The following ABCB1 variants were observed in gnomAD, a reference collection of about 807,000 sequenced individuals.
ABCB1 encodes the protein ATP binding cassette subfamily B member 1, also known as ATP-dependent translocase ABCB1.
Under a neutral mutation model 142.0 loss-of-function variants are expected in ABCB1, and 69 were observed. That is an observed-to-expected ratio of 0.49 (90% confidence interval 0.40 to 0.59). The LOEUF is 0.59. Among genes scored for constraint, ABCB1 ranks in the 20% least tolerant of loss-of-function variants. The pLI, the probability that ABCB1 is intolerant of heterozygous loss-of-function variation, is 0.00. For synonymous variants in ABCB1, 532 were observed against 539.2 expected (o/e 0.99, Z 0.18); for missense variants, 1,326 against 1,554.7 (o/e 0.85, Z 2.47).
At chr7:87,611,073 A>G (rs1819833449) in intron 1 of ABCB1, among the ~76,000 whole-genome samples, 1 of 152,156 alleles carries the variant, frequency 6.6e-6, no homozygotes, top group Non-Finnish European at 1.5e-5. Flanking sequence ...TCCCTTCGTA[A>G]CAGCCAAAGT....
chr7:87,515,461 G>A, intron 24 of ABCB1, 33 bp from the exon 25 acceptor site: 1 of 1,593,224 alleles, frequency 6.3e-7, no homozygotes, highest in Non-Finnish European at 8.6e-7. Context: ...AAATTTGAAT[G>A]CTGCAATACT....
At chr7:87,509,090 G>T (rs910921747) in intron 26 of ABCB1, among the ~76,000 whole-genome samples, 185 bp downstream of exon 26, 2 of 152,176 alleles carry the variant, frequency 1.3e-5, no homozygotes, top group African/African-American at 4.8e-5. Context: ...AGGAGGGTCA[G>T]GTGATCAGGT....
intron 7 of ABCB1, chr7:87,563,479 C>T (rs1000197031): frequency 1.1e-5 from 4 of 360,840 alleles, no homozygotes; most frequent in Admixed American, 3.0e-5. Flanking sequence ...ATCAAGTAGG[C>T]TTTATCCTCA....
chr7:87,559,026 T>C (rs1162552318), intron 8 of ABCB1, among the ~76,000 whole-genome samples: 1 of 152,150 alleles, frequency 6.6e-6, no homozygotes, highest in Non-Finnish European at 1.5e-5. Context: ...AACTGTCCTT[T>C]AGTTTTCCTT....
intron 1 of ABCB1, among the ~76,000 whole-genome samples, chr7:87,694,787 CAG>C (rs1828351276): frequency 6.6e-6 from 1 of 152,122 alleles, no homozygotes; most frequent in Admixed American, 6.6e-5. Context: ...TTCTCCATTT[CAG>C]AGAGAGTAAA....
At chr7:87,549,767 A>G in intron 13 of ABCB1, 84 bp downstream of exon 13, 3 of 1,495,568 alleles carry the variant, frequency 2.0e-6, no homozygotes, top group South Asian at 1.1e-5. Flanking sequence ...CTTCCGATTT[A>G]TAGTAGTTTC....
chr7:87,627,356 G>A (rs1820728092), intron 1 of ABCB1, among the ~76,000 whole-genome samples: 2 of 152,288 alleles, frequency 1.3e-5, no homozygotes, highest in Non-Finnish European at 2.9e-5. Flanking sequence ...AGAGGTGAAA[G>A]ATACATGGAT....
chr7:87,509,792 C>T (rs531571906), intron 25 of ABCB1, among the ~76,000 whole-genome samples: 1 of 152,120 alleles, frequency 6.6e-6, no homozygotes, highest in African/African-American at 2.4e-5. Flanking sequence ...TGTTACATGG[C>T]AAAAAGAAAC....
At position 87,545,012 on chromosome 7, in the gene ABCB1, A is replaced by G. The variant is rs765884653; in HGVS notation, c.1888-13T>C. The stretch of plus-strand genomic sequence containing the variant: ...CATTTCCTGCTGTCTAAAATAAATA[A>G]GAAATATGCAAAAGCTCATTAGGCT... On this transcript the variant is annotated splice_polypyrimidine_tract_variant and intron_variant, in intron 15 of 27. Coordinates refer to ENST00000622132, the MANE Select transcript of ABCB1 (RefSeq NM_001348946.2). 5 of 1,612,072 alleles carry G rather than the reference A, an allele frequency of 3.1e-6. No homozygotes were observed. The highest frequency in any genetic ancestry group is 3.4e-6 in the Non-Finnish European group (4 of 1,179,044).
intron 1 of ABCB1, among the ~76,000 whole-genome samples, chr7:87,707,733 C>G (rs982391797): frequency 2.0e-5 from 3 of 151,906 alleles, no homozygotes; most frequent in African/African-American, 7.3e-5. Context: ...AATATACATT[C>G]TTATCATACA....
intron 1 of ABCB1, among the ~76,000 whole-genome samples, chr7:87,654,158 C>T (rs1182625647): frequency 6.6e-6 from 1 of 151,730 alleles, no homozygotes; most frequent in Non-Finnish European, 1.5e-5. Context: ...TAACAATCTA[C>T]CCAACATAAT....
chr7:87,698,538 C>T (rs1346378235), intron 1 of ABCB1, among the ~76,000 whole-genome samples: 4 of 152,080 alleles, frequency 2.6e-5, no homozygotes, highest in Non-Finnish European at 5.9e-5. Context: ...CACTAGCAGA[C>T]TGTTATCAAA....
chr7:87,522,123 C>A, intron 21 of ABCB1: 1 of 1,351,394 alleles, frequency 7.4e-7, no homozygotes, highest in Non-Finnish European at 1.0e-6. Flanking sequence ...GTGGAGGAAA[C>A]TTCAGTGGTC....
intron 7 of ABCB1, 85 bp from the exon 8 acceptor site, chr7:87,561,472 C>T (rs1053400011): frequency 6.0e-6 from 8 of 1,344,302 alleles, no homozygotes; most frequent in African/African-American, 1.5e-5. Context: ...TACATAAATG[C>T]TGCTTATACA....
In ABCB1 at chr7:87,599,944, C is replaced by T. The variant is rs28381805; in HGVS notation, c.68+173G>A. On this transcript the variant is annotated intron_variant, in intron 2 of 27. Transcript: ENST00000622132. ...GGGAAAATGCATATGCTGTGCTCCA[C>T]TCAGCCAACAAACTTCTGCTCTAAG... 2.6e-3 allele frequency among the ~76,000 whole-genome samples: 394 copies of T among 152,292 alleles called. 3 individuals carry two copies. The highest frequency in any genetic ancestry group is 8.8e-3 in the African/African-American group (367 of 41,558).
At chr7:87,617,890 T>C (rs1237954891) in intron 1 of ABCB1, among the ~76,000 whole-genome samples, 1 of 152,214 alleles carries the variant, frequency 6.6e-6, no homozygotes, top group Non-Finnish European at 1.5e-5. Flanking sequence ...CTCTCTGGCC[T>C]TCTGTCTAGC....
intron 3 of ABCB1, among the ~76,000 whole-genome samples, chr7:87,589,619 A>G (rs549314936): frequency 1.3e-5 from 2 of 152,002 alleles, no homozygotes; most frequent in Non-Finnish European, 2.9e-5. Context: ...CCCTCTCTCT[A>G]CAAAAAAATT....
chr7:87,539,383 C>T (rs769490085), intron 18 of ABCB1, 38 bp from the exon 19 acceptor site: 5 of 1,582,818 alleles, frequency 3.2e-6, no homozygotes, highest in Non-Finnish European at 4.3e-6. Context: ...GACCCAGCCA[C>T]CATTTAAATA....
chr7:87,676,329 T>A (rs1826351435), intron 1 of ABCB1, among the ~76,000 whole-genome samples: 1 of 152,120 alleles, frequency 6.6e-6, no homozygotes, highest in African/African-American at 2.4e-5. Context: ...GTGTAAACCA[T>A]GTATCCAATA....
Sources: gnomAD v4.1 joint callset for allele counts (sites outside exome capture counted in the v4.1 genomes callset) on GRCh38, gnomAD v4.1.1 for gene constraint, MANE v1.5 for transcripts, NCBI Gene and HGNC (gene_info 2026-07-23, HGNC 2026-07-21) for gene names.